UGT2B11: variants seen among roughly 807,000 people sequenced by gnomAD.
UGT2B11 encodes the protein UDP-glucuronosyltransferase 2B11.
In UGT2B11, 49 loss-of-function variants were observed where a neutral mutation model predicts 51.7. The observed-to-expected ratio is 0.95, with a 90% CI of 0.75 to 1.20. UGT2B11 has a LOEUF of 1.20. UGT2B11 is among the 50% of genes most tolerant of loss of function. The pLI is 0.00. For synonymous variants in UGT2B11, 273 were observed against 209.0 expected, an observed-to-expected ratio of 1.31 and a Z score of -2.64; for missense variants, 810 against 622.1, an observed-to-expected ratio of 1.30 and a Z score of -3.21.
chr4:69,218,348 C>A (rs567207677), upstream of UGT2B11, among the ~76,000 whole-genome samples: 3 of 151,974 alleles, frequency 2.0e-5, no homozygotes, highest in African/African-American at 4.8e-5. Context: ...AGGGAGAACA[C>A]AAATAGACCC....
At chr4:69,220,022 A>C in the UGT2B11 span, among the ~76,000 whole-genome samples, 1 of 152,200 alleles carries the variant, frequency 6.6e-6, no homozygotes, top group Non-Finnish European at 1.5e-5. Flanking sequence ...CCTAAAAAAC[A>C]AAAGCAAGTT....
In UGT2B11 at chr4:69,211,326, A is replaced by C. The variant is rs183943622; in HGVS notation, c.870+1247T>G. On this transcript the variant is annotated intron_variant, in intron 2 of 5. Transcript: ENST00000446444. Reference sequence around the variant, plus strand: ...TGAAGATCCTTGTTACTTATGGTAGAATTTTAGAATTTCAACTAGCTCATC... The same window carrying C: ...TGAAGATCCTTGTTACTTATGGTAGCATTTTAGAATTTCAACTAGCTCATC... Among the ~76,000 whole-genome samples the C allele has an allele frequency of 1.8e-3, 267 of 151,622 alleles. 3 individuals are homozygous for C. The highest frequency in any genetic ancestry group is 6.3e-3 in the African/African-American group (262 of 41,442).
At chr4:69,223,446 A>G in the UGT2B11 span, among the ~76,000 whole-genome samples, 18 of 152,178 alleles carry the variant, frequency 1.2e-4, no homozygotes, top group African/African-American at 4.3e-4. Flanking sequence ...GCTTACCGGC[A>G]GGATGGAAAC....
At chr4:69,223,938 T>C in the UGT2B11 span, among the ~76,000 whole-genome samples, 1 of 152,164 alleles carries the variant, frequency 6.6e-6, no homozygotes, top group South Asian at 2.1e-4. Context: ...GGAAAGTCTA[T>C]CTGGGGAGCA....
the UGT2B11 span, among the ~76,000 whole-genome samples, chr4:69,221,295 G>C: frequency 4.4e-3 from 666 of 151,854 alleles, 6 homozygotes; most frequent in African/African-American, 0.015. Flanking sequence ...CCAAGGACTG[G>C]TACATATTTT....
the UGT2B11 span, among the ~76,000 whole-genome samples, chr4:69,220,786 G>A: frequency 2.0e-5 from 3 of 151,902 alleles, no homozygotes; most frequent in Admixed American, 6.5e-5. Context: ...TTAATGAAAT[G>A]GCAACATTCT....
In UGT2B11 at chr4:69,204,414, A is replaced by C. The variant is rs916440764; in HGVS notation, c.1310+16T>G. The stretch of plus-strand genomic sequence containing the variant: ...GTCCACAAATACCACCTAGTGAAAA[A>C]CATTGTTCTACTCACAAAGGATCAT... On this transcript the variant is annotated intron_variant, in intron 5 of 5. Transcript: ENST00000446444. 5.6e-6 allele frequency: 9 copies of C among 1,610,734 alleles called. No individual in the cohort carries two copies. Among genetic ancestry groups the C allele is most frequent in the Non-Finnish European group, 5.9e-6 (7 of 1,177,882 alleles).
At chr4:69,218,856 C>T (rs1242578835), upstream of UGT2B11, among the ~76,000 whole-genome samples, 1 of 152,154 alleles carries the variant, frequency 6.6e-6, no homozygotes, top group East Asian at 1.9e-4. Flanking sequence ...TGGATTTTGT[C>T]TGCAGCTCCA....
chr4:69,217,022 C>T (rs1202333190), upstream of UGT2B11, among the ~76,000 whole-genome samples: 2 of 152,014 alleles, frequency 1.3e-5, no homozygotes, highest in Non-Finnish European at 2.9e-5. Flanking sequence ...TTTTTCTGAC[C>T]ATAGAAATTC....
chr4:69,206,518 A>C (rs186560770), intron 3 of UGT2B11, among the ~76,000 whole-genome samples: 2 of 151,562 alleles, frequency 1.3e-5, no homozygotes, highest in African/African-American at 4.8e-5. Flanking sequence ...AAAATAATAA[A>C]CGAATATTAG....
At chr4:69,219,317 T>C (rs1017892288), upstream of UGT2B11, among the ~76,000 whole-genome samples, 1 of 152,206 alleles carries the variant, frequency 6.6e-6, no homozygotes, top group Non-Finnish European at 1.5e-5. Flanking sequence ...TTAATTTGTT[T>C]AAGTTCCTTA....
the UGT2B11 span, among the ~76,000 whole-genome samples, chr4:69,219,802 G>A: frequency 6.6e-6 from 1 of 152,124 alleles, no homozygotes; most frequent in Non-Finnish European, 1.5e-5. Flanking sequence ...CAACAGCTGG[G>A]AATTATAGGA....
At chr4:69,221,103 T>G in the UGT2B11 span, among the ~76,000 whole-genome samples, 2 of 152,190 alleles carry the variant, frequency 1.3e-5, no homozygotes, top group Non-Finnish European at 2.9e-5. Context: ...TTGTTCAGTA[T>G]ATATGGACAT....
At position 69,214,679 on chromosome 4, in the gene UGT2B11, C is replaced by T; in HGVS notation, c.44G>A (p.Ser15Asn). Residue 15 changes from serine (S) to asparagine (N), a missense_variant, in exon 1 of 6, where the codon AGT (serine) becomes AAT (asparagine). Transcript: ENST00000446444. ...WTSVLLLIHL[S>N]CYFSSGSCGK... ...ACAACTCCCAGAGCTAAAGTAACAA[C>T]TGAGATGTATCAGCAGAAGAACTGA... The T allele has an allele frequency of 6.2e-7, 1 of 1,612,924 alleles. No homozygotes were observed. The highest frequency in any genetic ancestry group is 1.3e-5 in the African/African-American group (1 of 74,968).
At chr4:69,212,083 T>C (rs1207051471) in intron 2 of UGT2B11, among the ~76,000 whole-genome samples, 1 of 151,576 alleles carries the variant, frequency 6.6e-6, no homozygotes, top group Non-Finnish European at 1.5e-5. Flanking sequence ...AACTCCAGGA[T>C]ACTTTCTATT....
Position 69,200,311 on chromosome 4 carries a change from A to ATT in UGT2B11, c.*128_*129insAA, listed in dbSNP as rs1560534651. 55 of 1,000,046 alleles carry ATT rather than the reference A, an allele frequency of 5.5e-5. No individual in the cohort carries two copies. The highest frequency in any genetic ancestry group is 3.5e-4 in the South Asian group (11 of 31,494). The allele number at this position is 1,000,046 out of a possible 1,614,324, so 61.9% of individuals were successfully genotyped here. A position where few individuals can be genotyped will look rare whatever the true frequency, so the allele number is the denominator to read the frequency against. On this transcript the variant is annotated 3_prime_UTR_variant, in exon 6 of 6. Coordinates refer to ENST00000446444, the MANE Select transcript of UGT2B11 (RefSeq NM_001073.3). ...TTTTACTTGACAAGGTAGATTTGAA[A>ATT]ATTTTTTTTTTTTTTTTTTTTTTGT...
chr4:69,203,815 A>G (rs1464787824), intron 5 of UGT2B11, among the ~76,000 whole-genome samples: 2 of 151,708 alleles, frequency 1.3e-5, no homozygotes, highest in Admixed American at 6.6e-5. Context: ...GAGAAAGAAA[A>G]CAAATTGGTG....
Position 69,212,597 on chromosome 4 carries a change from G to A in UGT2B11, c.846C>T (p.Cys282=), listed in dbSNP as rs1722112219. The stretch of plus-strand genomic sequence containing the variant: ...CCTTAGGTAGGGGTTTGGCAGGTTT[G>A]CAGTGGAATCCTCCAACAAAATCAA... ...PNVDFVGGFH[C]KPAKPLPKEM... is the part of the protein sequence containing the mutation. The change falls in exon 2 of 6, where the codon TGC becomes TGT. Residue 282 remains cysteine, a synonymous_variant. Coordinates refer to ENST00000446444, the MANE Select transcript of UGT2B11 (RefSeq NM_001073.3). 1 of 1,608,378 alleles carries A rather than the reference G, an allele frequency of 6.2e-7. No individual in the cohort carries two copies. Among genetic ancestry groups the A allele is most frequent in the Admixed American group, 1.7e-5 (1 of 59,456 alleles).
intron 1 of UGT2B11, among the ~76,000 whole-genome samples, chr4:69,213,693 C>T (rs1722158081): frequency 6.6e-6 from 1 of 151,782 alleles, no homozygotes. Flanking sequence ...ATGGATTTTA[C>T]TGTTTTTAAG....
Sources: gnomAD v4.1 joint callset for allele counts (sites outside exome capture counted in the v4.1 genomes callset) on GRCh38, gnomAD v4.1.1 for gene constraint, MANE v1.5 for transcripts, NCBI Gene and HGNC (gene_info 2026-07-23, HGNC 2026-07-21) for gene names.